The following AUTS2 variants were observed in gnomAD, a reference collection of about 807,000 sequenced individuals.
AUTS2 encodes activator of transcription and developmental regulator AUTS2.
AUTS2 carries 17 observed loss-of-function variants against 112.4 expected under a neutral mutation model. The ratio of observed to expected loss-of-function variants is 0.15; its 90% CI spans 0.10 to 0.23. The LOEUF is 0.23. Ranked by LOEUF, AUTS2 falls within the 10% of genes least tolerant of loss-of-function variation. AUTS2 has a pLI of 1.00. For missense variants in AUTS2, 1,510 were observed against 1,701.6 expected, an observed-to-expected ratio of 0.89 and a Z score of 1.98; for synonymous variants, 751 against 702.7, an observed-to-expected ratio of 1.07 and a Z score of -1.09.
At chr7:69,727,351 G>C (rs940352721) in intron 1 of AUTS2, among the ~76,000 whole-genome samples, 2 of 152,224 alleles carry the variant, frequency 1.3e-5, no homozygotes, top group South Asian at 2.1e-4. Flanking sequence ...CAGCACTTTG[G>C]GGGGATGAGG....
At chr7:69,781,840 G>C (rs1471240210) in intron 1 of AUTS2, among the ~76,000 whole-genome samples, 1 of 152,198 alleles carries the variant, frequency 6.6e-6, no homozygotes, top group Non-Finnish European at 1.5e-5. Context: ...GCCATATGTG[G>C]CTACTGGAAA....
At chr7:70,397,316 C>T (rs959870582) in intron 4 of AUTS2, among the ~76,000 whole-genome samples, 3 of 152,106 alleles carry the variant, frequency 2.0e-5, no homozygotes, top group Non-Finnish European at 4.4e-5. Context: ...CCACCTGCCT[C>T]GGCCTCCCAA....
chr7:70,063,878 G>T (rs1288432630), intron 2 of AUTS2, among the ~76,000 whole-genome samples: 1 of 152,154 alleles, frequency 6.6e-6, no homozygotes, highest in African/African-American at 2.4e-5. Flanking sequence ...GGTTTGGATG[G>T]CATCTCCTTA....
chr7:69,966,460 C>T (rs1236662243), intron 2 of AUTS2, among the ~76,000 whole-genome samples: 3 of 152,168 alleles, frequency 2.0e-5, no homozygotes, highest in East Asian at 3.8e-4. Flanking sequence ...AAGATGGAAG[C>T]TGATAACATC....
At position 70,781,385 on chromosome 7, in the gene AUTS2, C is replaced by A. The variant is rs59181472; in HGVS notation, c.2005-230C>A. The stretch of plus-strand genomic sequence containing the variant: ...GTCACAAAAAAAAAAAAAAAAAAAA[C>A]CAGACCAAACACTAGTGTTGTCACT... On this transcript the variant is annotated intron_variant, in intron 14 of 18. Coordinates refer to ENST00000342771, the MANE Select transcript of AUTS2 (RefSeq NM_015570.4). The A allele has an allele frequency of 0.073, 18,750 of 257,954 alleles. 1,087 individuals carry two copies. The highest frequency in any genetic ancestry group is 0.21 in the East Asian group (2,317 of 10,886). The allele number at this position is 257,954 out of a possible 1,614,324, so 16.0% of individuals were successfully genotyped here. A position where few individuals can be genotyped will look rare whatever the true frequency, so the allele number is the denominator to read the frequency against.
intron 5 of AUTS2, among the ~76,000 whole-genome samples, chr7:70,664,798 C>T (rs527904360): frequency 1.4e-4 from 21 of 152,212 alleles, no homozygotes; most frequent in African/African-American, 4.3e-4. Flanking sequence ...TGGTCAGGCA[C>T]GGTGCCCCGC....
chr7:70,508,152 CT>C (rs34490454), intron 5 of AUTS2, among the ~76,000 whole-genome samples: 1 of 151,630 alleles, frequency 6.6e-6, no homozygotes, highest in Non-Finnish European at 1.5e-5. Context: ...GAGCAGAGGG[CT>C]TTTTTTTGTT....
intron 4 of AUTS2, among the ~76,000 whole-genome samples, chr7:70,176,307 T>C (rs2129579847): frequency 6.6e-6 from 1 of 152,324 alleles, no homozygotes; most frequent in African/African-American, 2.4e-5. Flanking sequence ...TAATAAAATA[T>C]TCAAGCAATC....
At chr7:70,327,549 G>C (rs1790548690) in intron 4 of AUTS2, among the ~76,000 whole-genome samples, 1 of 152,186 alleles carries the variant, frequency 6.6e-6, no homozygotes. Context: ...TATGGCAGAA[G>C]GTAACTTGTA....
chr7:70,103,725 T>C (rs1038933553), intron 2 of AUTS2, among the ~76,000 whole-genome samples: 1 of 151,518 alleles, frequency 6.6e-6, no homozygotes, highest in Non-Finnish European at 1.5e-5. Flanking sequence ...GCCAACATGG[T>C]GAAACCCCTA....
At chr7:69,680,764 G>T (rs1044532643) in intron 1 of AUTS2, among the ~76,000 whole-genome samples, 1 of 152,158 alleles carries the variant, frequency 6.6e-6, no homozygotes, top group Non-Finnish European at 1.5e-5. Flanking sequence ...CCATCCCCCA[G>T]GTTCAAGTGA....
chr7:69,983,186 C>T (rs1052659415), intron 2 of AUTS2, among the ~76,000 whole-genome samples: 2 of 152,094 alleles, frequency 1.3e-5, no homozygotes, highest in African/African-American at 4.8e-5. Flanking sequence ...ACAACATTTG[C>T]CCTTACTGCA....
chr7:69,661,857 T>C (rs886706213), intron 1 of AUTS2, among the ~76,000 whole-genome samples: 1 of 152,212 alleles, frequency 6.6e-6, no homozygotes, highest in Admixed American at 6.5e-5. Flanking sequence ...ATTTATCACC[T>C]GAAATGGTGC....
intron 5 of AUTS2, among the ~76,000 whole-genome samples, chr7:70,490,388 C>T (rs541739906): frequency 3.3e-5 from 5 of 151,868 alleles, no homozygotes; most frequent in African/African-American, 1.2e-4. Flanking sequence ...GACAGGAGCT[C>T]GACAAGCAGA....
chr7:70,769,945 G>C (rs139261488), intron 10 of AUTS2, among the ~76,000 whole-genome samples: 39 of 152,206 alleles, frequency 2.6e-4, no homozygotes, highest in African/African-American at 9.1e-4. Context: ...AAAGAAAGTG[G>C]TAAGAACATC....
chr7:70,022,891 G>C (rs926699934), intron 2 of AUTS2, among the ~76,000 whole-genome samples: 1 of 151,532 alleles, frequency 6.6e-6, no homozygotes, highest in African/African-American at 2.4e-5. Flanking sequence ...TTGCTTTCTC[G>C]CCCAGGCCGG....
intron 5 of AUTS2, among the ~76,000 whole-genome samples, chr7:70,520,990 C>A (rs1016289989): frequency 3.9e-5 from 6 of 152,094 alleles, no homozygotes; most frequent in African/African-American, 1.4e-4. Context: ...ATATTCTTTT[C>A]TTCCTTGGAA....
intron 2 of AUTS2, among the ~76,000 whole-genome samples, chr7:70,061,910 C>T (rs1314066647): frequency 6.6e-6 from 1 of 151,798 alleles, no homozygotes; most frequent in Non-Finnish European, 1.5e-5. Flanking sequence ...ACCTCAGCCT[C>T]CCGAGTAGCT....
At chr7:70,080,758 G>A (rs905753734) in intron 2 of AUTS2, among the ~76,000 whole-genome samples, 24 of 152,084 alleles carry the variant, frequency 1.6e-4, no homozygotes, top group African/African-American at 5.1e-4. Context: ...ATAGCAAAAG[G>A]CTCAAATGCA....
Sources: allele counts gnomAD v4.1 joint callset (sites outside exome capture counted in the v4.1 genomes callset), GRCh38; gene constraint gnomAD v4.1.1; transcripts MANE v1.5; gene names NCBI Gene and HGNC (gene_info 2026-07-23, HGNC 2026-07-21).